RCSD1: variants seen among roughly 807,000 people sequenced by gnomAD.
RCSD1 encodes RCSD domain containing 1, also known as capZ-interacting protein.
In RCSD1, 26 loss-of-function variants were observed where a neutral mutation model predicts 42.5. That is an observed-to-expected ratio of 0.61 (90% CI 0.45 to 0.85). The LOEUF is 0.85. RCSD1 is among the 40% of genes least tolerant of loss of function. The probability of loss-of-function intolerance (pLI) is 0.00; values close to 1 mark genes in which losing one functional copy is unlikely to be tolerated. For missense variants in RCSD1, 571 were observed against 528.3 expected, an observed-to-expected ratio of 1.08 and a Z score of -0.79; for synonymous variants, 220 against 212.2, an observed-to-expected ratio of 1.04 and a Z score of -0.32.
intron 1 of RCSD1, among the ~76,000 whole-genome samples, chr1:167,639,080 G>A (rs1042276090): frequency 3.3e-5 from 5 of 152,144 alleles, no homozygotes; most frequent in Non-Finnish European, 7.3e-5. Context: ...AGCCAGGCAT[G>A]GTGGCAGGCA....
chr1:167,704,112 A>G (rs1659703386), intron 6 of RCSD1, among the ~76,000 whole-genome samples: 1 of 152,194 alleles, frequency 6.6e-6, no homozygotes, highest in Non-Finnish European at 1.5e-5. Flanking sequence ...TCTCAAAGTA[A>G]TACCTTCGGA....
chr1:167,697,035 A>G (rs1659512541), intron 5 of RCSD1, 64 bp from the exon 6 acceptor site: 2 of 1,488,522 alleles, frequency 1.3e-6, no homozygotes, highest in Admixed American at 4.0e-5. Context: ...GAAAGTGCAT[A>G]CAGTCCTCCT....
intron 2 of RCSD1, among the ~76,000 whole-genome samples, chr1:167,685,076 A>G (rs1252788004): frequency 1.3e-5 from 2 of 152,232 alleles, no homozygotes; most frequent in African/African-American, 2.4e-5. Context: ...TAAAGAAGAT[A>G]GCATTGATCT....
chr1:167,704,463 C>T (rs1659711601), intron 6 of RCSD1, among the ~76,000 whole-genome samples: 1 of 151,974 alleles, frequency 6.6e-6, no homozygotes, highest in Non-Finnish European at 1.5e-5. Context: ...AAGTAACTAC[C>T]TCATATTGCT....
At chr1:167,675,655 A>G (rs1658934085) in intron 1 of RCSD1, among the ~76,000 whole-genome samples, 2 of 152,032 alleles carry the variant, frequency 1.3e-5, no homozygotes, top group South Asian at 4.1e-4. Context: ...CCTTGTCGTG[A>G]CCCTAAAAGC....
In RCSD1 at chr1:167,693,323, G is replaced by A. The variant is rs374234472; in HGVS notation, c.271-776G>A. On this transcript the variant is annotated intron_variant, in intron 4 of 6. Transcript: ENST00000367854. Reference sequence around the variant, plus strand: ...GCACGTTCTCCCCATGGACGCCTTCGGGCATCTGGGACCACCTGCCTCCTC... The same window carrying A: ...GCACGTTCTCCCCATGGACGCCTTCAGGCATCTGGGACCACCTGCCTCCTC... 4.5e-4 allele frequency among the ~76,000 whole-genome samples: 69 copies of A among 152,196 alleles called. 1 individual carries two copies. The highest frequency in any genetic ancestry group is 1.5e-3 in the African/African-American group (64 of 41,530).
chr1:167,679,275 A>C (rs553389477), intron 1 of RCSD1, among the ~76,000 whole-genome samples: 5 of 152,352 alleles, frequency 3.3e-5, no homozygotes, highest in African/African-American at 1.2e-4. Context: ...GAGAGGTAAG[A>C]ATTACAGAAA....
At chr1:167,656,076 T>G (rs1658419867) in intron 1 of RCSD1, among the ~76,000 whole-genome samples, 1 of 152,144 alleles carries the variant, frequency 6.6e-6, no homozygotes, top group Admixed American at 6.5e-5. Context: ...ACAGAACAAA[T>G]ATTTATTGAA....
At chr1:167,646,169 G>T (rs1001057202) in intron 1 of RCSD1, among the ~76,000 whole-genome samples, 6 of 152,158 alleles carry the variant, frequency 3.9e-5, no homozygotes, top group Non-Finnish European at 7.3e-5. Context: ...TTACTCGTTG[G>T]GGGTGCGGAA....
intron 1 of RCSD1, among the ~76,000 whole-genome samples, chr1:167,662,830 C>T (rs1214419841): frequency 1.3e-5 from 2 of 152,188 alleles, no homozygotes; most frequent in Non-Finnish European, 2.9e-5. Context: ...CCTGAGTTCC[C>T]TGGCCGAGTT....
intron 1 of RCSD1, among the ~76,000 whole-genome samples, chr1:167,659,486 C>T (rs1223105828): frequency 1.3e-5 from 2 of 152,072 alleles, no homozygotes; most frequent in East Asian, 1.9e-4. Flanking sequence ...ATTTTAACAC[C>T]TTTTTGGGCA....
rs142006470 is a variant in RCSD1 at position 167,702,505 on chromosome 1, G to A, written c.1219-2159G>A. 1.1e-4 allele frequency among the ~76,000 whole-genome samples: 16 copies of A among 152,312 alleles called. No homozygotes were observed. In the East Asian group the frequency reaches 1.5e-3, roughly 15 times the overall value. ...TAAATTTAGCAAGTGTTATCTGGGCGTGGTGGCTCACACCTGTAATCACAG... is the reference window on the plus strand; with the variant it reads ...TAAATTTAGCAAGTGTTATCTGGGCATGGTGGCTCACACCTGTAATCACAG... On this transcript the variant is annotated intron_variant, in intron 6 of 6. Transcript: ENST00000367854.
At chr1:167,702,361 G>A (rs1030146888) in intron 6 of RCSD1, among the ~76,000 whole-genome samples, 3 of 152,214 alleles carry the variant, frequency 2.0e-5, no homozygotes, top group African/African-American at 7.2e-5. Context: ...GAGTCATCCT[G>A]GGGATTTCAA....
intron 1 of RCSD1, among the ~76,000 whole-genome samples, chr1:167,677,185 C>G (rs1472076902): frequency 6.6e-6 from 1 of 151,636 alleles, no homozygotes; most frequent in Non-Finnish European, 1.5e-5. Flanking sequence ...CTGTATTCTC[C>G]TCACCCCTGA....
chr1:167,642,401 G>A (rs1049657031), intron 1 of RCSD1, among the ~76,000 whole-genome samples: 8 of 152,232 alleles, frequency 5.3e-5, no homozygotes, highest in Non-Finnish European at 1.0e-4. Context: ...CTTGCAGATT[G>A]AAATGAAAAC....
At chr1:167,646,961 C>T (rs2102203218) in intron 1 of RCSD1, among the ~76,000 whole-genome samples, 1 of 152,112 alleles carries the variant, frequency 6.6e-6, no homozygotes, top group African/African-American at 2.4e-5. Flanking sequence ...GAAACCCCAT[C>T]TCTACTAAAA....
intron 3 of RCSD1, 45 bp downstream of exon 3, chr1:167,685,555 C>G (rs1250380868): frequency 7.2e-6 from 11 of 1,530,616 alleles, no homozygotes; most frequent in South Asian, 1.1e-5. Context: ...GATGGGTTTT[C>G]TTTCCTCTTC....
intron 1 of RCSD1, among the ~76,000 whole-genome samples, chr1:167,666,632 C>G (rs1658664500): frequency 6.6e-6 from 1 of 152,140 alleles, no homozygotes; most frequent in South Asian, 2.1e-4. Context: ...GGGACAGTAA[C>G]TGTGAATCAG....
At chr1:167,642,749 A>G (rs1185417700) in intron 1 of RCSD1, among the ~76,000 whole-genome samples, 1 of 151,830 alleles carries the variant, frequency 6.6e-6, no homozygotes, top group African/African-American at 2.4e-5. Context: ...GTGAAAGGGA[A>G]TCTATGTCTT....
Sources: allele counts gnomAD v4.1 joint callset (sites outside exome capture counted in the v4.1 genomes callset), GRCh38; gene constraint gnomAD v4.1.1; transcripts MANE v1.5; gene names NCBI Gene and HGNC (gene_info 2026-07-23, HGNC 2026-07-21).